The following CAMSAP1 variants were observed in gnomAD, a reference collection of about 807,000 sequenced individuals.
The protein encoded by CAMSAP1 is calmodulin regulated spectrin associated protein 1.
Under a neutral mutation model 143.5 loss-of-function variants are expected in CAMSAP1, and 58 were observed. That is an observed-to-expected ratio of 0.40 (90% CI 0.33 to 0.50). CAMSAP1 has a LOEUF of 0.50. CAMSAP1 is among the 20% of genes least tolerant of loss of function. CAMSAP1 has a pLI of 0.45. For synonymous variants in CAMSAP1, 945 were observed against 859.3 expected, an observed-to-expected ratio of 1.10 and a Z score of -1.74; for missense variants, 1,969 against 2,115.7, an observed-to-expected ratio of 0.93 and a Z score of 1.36.
chr9:135,893,501 C>T (rs1236497406), intron 1 of CAMSAP1, among the ~76,000 whole-genome samples: 2 of 152,102 alleles, frequency 1.3e-5, no homozygotes, highest in East Asian at 3.9e-4. Flanking sequence ...ATACAATGGG[C>T]TGATGAATAG....
In CAMSAP1 at chr9:135,821,065, T is replaced by C. The variant is rs145403573; in HGVS notation, c.3596A>G (p.Glu1199Gly). 1.2e-6 allele frequency: 2 copies of C among 1,613,924 alleles called. No individual in the cohort carries two copies. The highest frequency in any genetic ancestry group is 1.7e-6 in the Non-Finnish European group (2 of 1,179,884). ...NILSEQMSLK[E>G]VLDASVKEVG... ...CTCCTTCACACTCGCATCCAGAACT[T>C]CTTTGAGGCTCATCTGCTCCGAAAG... The change falls in exon 11 of 17, where the codon GAA (glutamate) becomes GGA (glycine). Residue 1199 changes from glutamate (E) to glycine (G), a missense_variant. Physicochemically the swap from Glu to Gly is moderately conservative, Grantham distance 98. Around this residue, in one of 4 missense-constraint regions of CAMSAP1, gnomAD observed 1,390 missense variants for 1,420.8 expected, o/e 0.98. Coordinates refer to ENST00000389532, the MANE Select transcript of CAMSAP1 (RefSeq NM_015447.4). The surrounding 1 kb of genome is among the most constrained non-coding windows in gnomAD (Gnocchi z 4.6).
chr9:135,850,747 AATCACCT>A (rs1588472861), intron 5 of CAMSAP1, among the ~76,000 whole-genome samples: 2 of 152,324 alleles, frequency 1.3e-5, no homozygotes, highest in East Asian at 3.9e-4. Context: ...AAACAGCAAC[AATCACCT>A]TTCACTTTAC....
Position 135,881,697 on chromosome 9 carries a change from G to T in CAMSAP1, c.521C>A (p.Thr174Lys). ...KVVASVKRFS[T>K]FSASKELPYD... The stretch of plus-strand genomic sequence containing the variant: ...CGGAAGTTCTTTCGAGGCACTGAAC[G>T]TTGAGAAGCGCTTGACACTGGCCAC... The change falls in exon 3 of 17, where the codon ACG becomes AAG. Residue 174 changes from threonine (T) to lysine (K), a missense_variant. Thr to Lys is a moderately conservative substitution (Grantham distance 78, BLOSUM62 -1). Around this residue, in one of 4 missense-constraint regions of CAMSAP1, gnomAD observed 221 missense variants for 298.2 expected, o/e 0.74. Coordinates refer to ENST00000389532, the MANE Select transcript of CAMSAP1 (RefSeq NM_015447.4). 1 of 1,551,830 alleles carries T rather than the reference G, an allele frequency of 6.4e-7. No homozygotes were observed.
intron 3 of CAMSAP1, among the ~76,000 whole-genome samples, chr9:135,867,385 G>GT (rs1564448756): frequency 6.6e-6 from 1 of 151,880 alleles, no homozygotes; most frequent in Non-Finnish European, 1.5e-5. Flanking sequence ...CAGCTCACAC[G>GT]TATCATCCCA....
chr9:135,864,689 CCTTT>C (rs1339166512), intron 4 of CAMSAP1, among the ~76,000 whole-genome samples: 2 of 152,232 alleles, frequency 1.3e-5, no homozygotes, highest in South Asian at 2.1e-4. Flanking sequence ...GCTGTTTTCA[CCTTT>C]CTTTTTATGT....
At chr9:135,862,739 C>T (rs912014562) in intron 4 of CAMSAP1, 131 bp from the exon 5 acceptor site, 2 of 926,962 alleles carry the variant, frequency 2.2e-6, no homozygotes, top group African/African-American at 1.7e-5. Flanking sequence ...TTGCAATAAT[C>T]TAGAAAGAGT....
At chr9:135,890,061 C>T (rs1838240535) in intron 1 of CAMSAP1, among the ~76,000 whole-genome samples, 1 of 152,170 alleles carries the variant, frequency 6.6e-6, no homozygotes, top group South Asian at 2.1e-4. Context: ...GGGAGGGAGC[C>T]TCCTTCCAGG....
intron 7 of CAMSAP1, among the ~76,000 whole-genome samples, chr9:135,831,667 T>C (rs1434373343): frequency 1.3e-5 from 2 of 151,208 alleles, no homozygotes; most frequent in Admixed American, 6.6e-5. Context: ...AGAAAAACAA[T>C]AGAAAAAATC....
In CAMSAP1 at chr9:135,811,285, C is replaced by T; in HGVS notation, c.*24G>A. 6.2e-7 allele frequency: 1 copy of T among 1,605,554 alleles called. No individual in the cohort carries two copies. Among genetic ancestry groups the T allele is most frequent in the Non-Finnish European group, 8.5e-7 (1 of 1,175,188 alleles). On this transcript the variant is annotated 3_prime_UTR_variant, in exon 17 of 17. Transcript: ENST00000389532. The surrounding 1 kb of genome is among the most constrained non-coding windows in gnomAD (Gnocchi z 4.9). ...GCATCATTTACGAGTCTGGGTCACC[C>T]TTTGGACGCCAGCTGCACCGGGGTC...
At chr9:135,878,160 C>A (rs981705349) in intron 3 of CAMSAP1, among the ~76,000 whole-genome samples, 1 of 152,210 alleles carries the variant, frequency 6.6e-6, no homozygotes, top group Non-Finnish European at 1.5e-5. Flanking sequence ...GGCAGGGAGG[C>A]TCCTGCACCC....
At chr9:135,900,715 T>C (rs185057450) in intron 1 of CAMSAP1, among the ~76,000 whole-genome samples, 6 of 151,724 alleles carry the variant, frequency 4.0e-5, no homozygotes, top group African/African-American at 1.4e-4. Context: ...AAGAGAGGAC[T>C]AGGTGGGAGC....
At chr9:135,866,764 A>G (rs1188778569) in intron 3 of CAMSAP1, among the ~76,000 whole-genome samples, 1 of 152,006 alleles carries the variant, frequency 6.6e-6, no homozygotes, top group East Asian at 1.9e-4. Context: ...CCCCACCCCA[A>G]TGCCAGCGCA....
chr9:135,874,488 G>GA (rs912002527), intron 3 of CAMSAP1, among the ~76,000 whole-genome samples: 3 of 147,272 alleles, frequency 2.0e-5, no homozygotes, highest in South Asian at 2.2e-4. Context: ...AGGGGGGGGG[G>GA]GGCCACAGGG....
chr9:135,885,185 G>A (rs1409850017), intron 1 of CAMSAP1, among the ~76,000 whole-genome samples: 2 of 152,022 alleles, frequency 1.3e-5, no homozygotes, highest in African/African-American at 2.4e-5. Context: ...ATATTGGAAG[G>A]GGCACTTCCT....
At chr9:135,889,864 C>T (rs1838233171) in intron 1 of CAMSAP1, among the ~76,000 whole-genome samples, 1 of 152,214 alleles carries the variant, frequency 6.6e-6, no homozygotes, top group Non-Finnish European at 1.5e-5. Context: ...AGGAAAGGTG[C>T]TGGCACCAGG....
rs897176614 is a variant in CAMSAP1, at chr9:135,822,024, T to C, written c.2637A>G (p.Val879=). The change falls in exon 11 of 17, where the codon GTA becomes GTG. Residue 879 remains valine (V), a synonymous_variant. Coordinates refer to ENST00000389532, the MANE Select transcript of CAMSAP1 (RefSeq NM_015447.4). The surrounding 1 kb of genome is among the most constrained non-coding windows in gnomAD (Gnocchi z 6.1). ...DPASLLASEL[V]QLHMQLEEKR... is the part of the protein sequence containing the mutation. ...TCTCCTCCAGCTGCATGTGCAGCTG[T>C]ACCAGCTCAGATGCCAGGAGGCTGG... 9 of 1,612,804 alleles carry C rather than the reference T, an allele frequency of 5.6e-6. No individual in the cohort carries two copies. Among genetic ancestry groups the C allele is most frequent in the Admixed American group, 1.7e-5 (1 of 60,006 alleles).
Position 135,818,138 on chromosome 9 carries a change from T to A in CAMSAP1, c.4169-59A>T, listed in dbSNP as rs1208919300. ...ACGGATTCCGACAGACAAGTACCTG[T>A]CCCCTGTACCTGTTCCCCTCACCTC... On this transcript the variant is annotated intron_variant, in intron 13 of 16. Transcript: ENST00000389532. This position sits in a 1 kb window ranked among gnomAD's most constrained non-coding sequence, Gnocchi z 7.7. 1.3e-6 allele frequency: 2 copies of A among 1,528,832 alleles called. No homozygotes were observed. The highest frequency in any genetic ancestry group is 1.8e-6 in the Non-Finnish European group (2 of 1,110,616). 94.7% of individuals were successfully genotyped at this position (1,528,832 alleles called of 1,614,324 possible).
In CAMSAP1 at chr9:135,882,700, G is replaced by A. The variant is rs1588501637; in HGVS notation, c.423+116C>T. The A allele has an allele frequency of 8.0e-7, 1 of 1,255,616 alleles. No individual in the cohort carries two copies. Among genetic ancestry groups the A allele is most frequent in the Non-Finnish European group, 1.1e-6 (1 of 926,498 alleles). The allele number at this position is 1,255,616 out of a possible 1,614,324, so 77.8% of individuals were successfully genotyped here. A position where few individuals can be genotyped will look rare whatever the true frequency, so the allele number is the denominator to read the frequency against. ...AGGAACGCCAGTGTGCAAAAGCACG[G>A]GTCTCCACCACCTCGCCGCACACCG... On this transcript the variant is annotated intron_variant, in intron 2 of 16. Coordinates refer to ENST00000389532, the MANE Select transcript of CAMSAP1 (RefSeq NM_015447.4). The surrounding 1 kb of genome is among the most constrained non-coding windows in gnomAD (Gnocchi z 4.9).
At chr9:135,836,347 G>A in intron 7 of CAMSAP1, 1 of 981,788 alleles carries the variant, frequency 1.0e-6, no homozygotes, top group Non-Finnish European at 1.2e-6. Context: ...CCATTCCGCA[G>A]CCACACATCA....
Sources: gnomAD v4.1 joint callset for allele counts (sites outside exome capture counted in the v4.1 genomes callset) on GRCh38, gnomAD v4.1.1 for gene constraint, gnomAD v4.1.1 regional missense constraint, Gnocchi (gnomAD v3.1) non-coding constraint, MANE v1.5 for transcripts, NCBI Gene and HGNC (gene_info 2026-07-23, HGNC 2026-07-21) for gene names.